Variants in TBC1D32 observed in about 807,000 individuals in gnomAD.
TBC1D32 encodes protein broad-minded.
TBC1D32 carries 151 observed loss-of-function variants against 170.3 expected under a neutral mutation model. That is an observed-to-expected ratio of 0.89 (90% CI 0.78 to 1.01). The LOEUF is 1.01. TBC1D32 is among the 50% of genes least tolerant of loss of function. The probability of loss-of-function intolerance (pLI) is 0.00; values close to 1 mark genes in which losing one functional copy is unlikely to be tolerated. For synonymous variants in TBC1D32, 498 were observed against 488.0 expected (o/e 1.02, Z -0.27); for missense variants, 1,464 against 1,457.1 (o/e 1.00, Z -0.08).
Position 121,185,623 on chromosome 6 carries a change from A to G in TBC1D32, c.2570+19452T>C, listed in dbSNP as rs143010865. 3.3e-5 allele frequency among the ~76,000 whole-genome samples: 5 copies of G among 152,208 alleles called. 1 individual carries two copies. Among genetic ancestry groups the G allele is most frequent in the African/African-American group, 1.2e-4 (5 of 41,566 alleles). On this transcript the variant is annotated intron_variant, in intron 22 of 31. Coordinates refer to ENST00000398212, the MANE Select transcript of TBC1D32 (RefSeq NM_152730.6). ...ATAGTAAATAACCCTGGGGAGACCA[A>G]CAAGCTACCTAGTGGCAGGGTGATT...
At chr6:121,298,330 A>C (rs1805960402) in intron 10 of TBC1D32, among the ~76,000 whole-genome samples, 2 of 152,042 alleles carry the variant, frequency 1.3e-5, no homozygotes, top group Admixed American at 1.3e-4. Context: ...TTAAAAGTCA[A>C]GGTATAGTTA....
chr6:121,131,860 G>GA, intron 24 of TBC1D32, 108 bp from the exon 25 acceptor site: 3 of 734,394 alleles, frequency 4.1e-6, no homozygotes, highest in Non-Finnish European at 6.1e-6. Flanking sequence ...AATACATATG[G>GA]CTTTCAAAGG....
chr6:121,305,095 G>A (rs1340169627), intron 5 of TBC1D32, among the ~76,000 whole-genome samples: 1 of 152,046 alleles, frequency 6.6e-6, no homozygotes, highest in African/African-American at 2.4e-5. Context: ...ATGGTGAGGA[G>A]GGGGTAAGGT....
intron 11 of TBC1D32, 100 bp from the exon 12 acceptor site, chr6:121,292,293 A>C: frequency 7.9e-7 from 1 of 1,269,506 alleles, no homozygotes; most frequent in Non-Finnish European, 1.1e-6. Flanking sequence ...TACAGGCTAG[A>C]ATGGAGACAT....
At chr6:121,240,822 CTGAGACTATGCCAT>C (rs897926236) in intron 19 of TBC1D32, among the ~76,000 whole-genome samples, 3 of 138,724 alleles carry the variant, frequency 2.2e-5, no homozygotes, top group African/African-American at 8.0e-5. Flanking sequence ...TTGCAGTGAG[CTGAGACTATGCCAT>C]TGTACTCCAG....
At chr6:121,170,210 T>C (rs1786766940) in intron 22 of TBC1D32, among the ~76,000 whole-genome samples, 1 of 151,904 alleles carries the variant, frequency 6.6e-6, no homozygotes, top group South Asian at 2.1e-4. Flanking sequence ...AGTAGTACTC[T>C]GCAAGCACTC....
chr6:121,116,486 TTTAAGTTGAACC>T (rs1779697769), intron 26 of TBC1D32, among the ~76,000 whole-genome samples: 2 of 152,230 alleles, frequency 1.3e-5, no homozygotes, highest in South Asian at 4.1e-4. Context: ...AGAAGTGGTA[TTTAAGTTGAACC>T]TTAACATATA....
intron 20 of TBC1D32, among the ~76,000 whole-genome samples, chr6:121,228,721 T>C (rs1795354845): frequency 6.6e-6 from 1 of 152,120 alleles, no homozygotes; most frequent in Non-Finnish European, 1.5e-5. Context: ...GCGTATTCTG[T>C]AGTCACCGAG....
chr6:121,208,282 T>G (rs567621085), intron 21 of TBC1D32, among the ~76,000 whole-genome samples: 1 of 150,414 alleles, frequency 6.6e-6, no homozygotes, highest in South Asian at 2.1e-4. Context: ...AAAAAGGAGG[T>G]TTAATTAACT....
intron 13 of TBC1D32, among the ~76,000 whole-genome samples, chr6:121,282,627 T>C (rs1803181877): frequency 6.6e-6 from 1 of 151,730 alleles, no homozygotes; most frequent in Non-Finnish European, 1.5e-5. Context: ...ACAGATATTA[T>C]TGATGAGCAT....
At position 121,307,920 on chromosome 6, in the gene TBC1D32, T is replaced by C. The variant is rs1023712735; in HGVS notation, c.690+56A>G. 2.6e-6 allele frequency: 4 copies of C among 1,544,880 alleles called. No individual in the cohort carries two copies. In the African/African-American group the frequency reaches 5.6e-5, roughly 21 times the overall value. ...ATCGTAACTATCATATTCTATTTAT[T>C]TCCAGAATGGTGGGAAAACAAATTA... On this transcript the variant is annotated intron_variant, in intron 5 of 31. Coordinates refer to ENST00000398212, the MANE Select transcript of TBC1D32 (RefSeq NM_152730.6).
chr6:121,186,856 G>T (rs1220752804), intron 22 of TBC1D32, among the ~76,000 whole-genome samples: 5 of 152,022 alleles, frequency 3.3e-5, no homozygotes, highest in Admixed American at 6.6e-5. Context: ...TGTATTAGCT[G>T]AAAGAATGTT....
chr6:121,145,929 G>A (rs965774025), intron 24 of TBC1D32, among the ~76,000 whole-genome samples: 1 of 152,122 alleles, frequency 6.6e-6, no homozygotes, highest in Non-Finnish European at 1.5e-5. Flanking sequence ...ATTTGCAGAG[G>A]TTAAAGAGTA....
chr6:121,293,957 G>A (rs982860531), intron 11 of TBC1D32, among the ~76,000 whole-genome samples: 1 of 151,966 alleles, frequency 6.6e-6, no homozygotes, highest in Non-Finnish European at 1.5e-5. Flanking sequence ...TGATAAATAA[G>A]ATATCTATTA....
rs527317507 is a variant in TBC1D32, at chr6:121,292,916, G to A, written c.1232-723C>T. The stretch of plus-strand genomic sequence containing the variant: ...GACAAGGGCTTGTAATAGCTGTTAC[G>A]GAACGCTGAAGAAAGAACATCTAGG... On this transcript the variant is annotated intron_variant, in intron 11 of 31. Coordinates refer to ENST00000398212, the MANE Select transcript of TBC1D32 (RefSeq NM_152730.6). Among the ~76,000 whole-genome samples the A allele has an allele frequency of 7.2e-5, 11 of 152,206 alleles. No individual in the cohort carries two copies. In the South Asian group the frequency reaches 8.3e-4, roughly 11 times the overall value.
rs767251988 is a variant in TBC1D32 at position 121,160,113 on chromosome 6, A to T, written c.2680-10T>A. 3 of 1,537,170 alleles carry T rather than the reference A, an allele frequency of 2.0e-6. No homozygotes were observed. The highest frequency in any genetic ancestry group is 3.4e-4 in the Middle Eastern group (2 of 5,864). On this transcript the variant is annotated splice_polypyrimidine_tract_variant and intron_variant, in intron 23 of 31. Coordinates refer to ENST00000398212, the MANE Select transcript of TBC1D32 (RefSeq NM_152730.6). Reference sequence around the variant, plus strand: ...GATATGGATTATCACTCTAAAAAAGAAGCAAGACAGATGACTTTAGGAAGT... The same window carrying T: ...GATATGGATTATCACTCTAAAAAAGTAGCAAGACAGATGACTTTAGGAAGT...
chr6:121,306,627 C>T (rs530091918), intron 5 of TBC1D32, among the ~76,000 whole-genome samples: 16 of 152,252 alleles, frequency 1.1e-4, no homozygotes, highest in African/African-American at 1.7e-4. Flanking sequence ...ATAAGGAAAT[C>T]CAATTTGTGT....
intron 17 of TBC1D32, among the ~76,000 whole-genome samples, chr6:121,243,857 T>C (rs1797288628): frequency 6.7e-6 from 1 of 149,090 alleles, no homozygotes; most frequent in Non-Finnish European, 1.5e-5. Context: ...AAAATGAAAA[T>C]AGAAATTACA....
At chr6:121,209,140 TA>T (rs10605770) in intron 21 of TBC1D32, among the ~76,000 whole-genome samples, 29,005 of 148,942 alleles carry the variant, frequency 0.19, 4,693 homozygotes, top group African/African-American at 0.44. Flanking sequence ...CAGCTCTTCT[TA>T]AAAAAAAAAA....
Sources: gnomAD v4.1 joint callset for allele counts (sites outside exome capture counted in the v4.1 genomes callset) on GRCh38, gnomAD v4.1.1 for gene constraint, MANE v1.5 for transcripts, NCBI Gene and HGNC (gene_info 2026-07-23, HGNC 2026-07-21) for gene names.